AQP2: variants seen among roughly 807,000 people sequenced by gnomAD.
The protein encoded by AQP2 is aquaporin-2.
In AQP2, 20 loss-of-function variants were observed where a neutral mutation model predicts 21.6. That is an observed-to-expected ratio of 0.92 (90% CI 0.65 to 1.34). The LOEUF (loss-of-function observed/expected upper bound fraction) is 1.34, where lower values mean the gene tolerates loss of function less well. Among genes scored for constraint, AQP2 ranks in the 40% most tolerant of loss-of-function variants. AQP2 has a pLI of 0.00. For synonymous variants in AQP2, 168 were observed against 166.9 expected, an observed-to-expected ratio of 1.01 and a Z score of -0.05; for missense variants, 325 against 363.4, an observed-to-expected ratio of 0.89 and a Z score of 0.86.
Position 49,951,118 on chromosome 12 carries a change from G to C in AQP2, c.288G>C (p.Gly96=). ...AAFYVAAQLL[G]AVAGAALLHE... ...TCTACGTGGCTGCCCAGCTGCTGGGGGCTGTGGCCGGAGCCGCTCTGCTCC... is the reference window on the plus strand; with the variant it reads ...TCTACGTGGCTGCCCAGCTGCTGGGCGCTGTGGCCGGAGCCGCTCTGCTCC... Residue 96 remains glycine, a synonymous_variant, in exon 1 of 4, where the codon GGG becomes GGC. Coordinates refer to ENST00000199280, the MANE Select transcript of AQP2 (RefSeq NM_000486.6). 1 of 1,607,376 alleles carries C rather than the reference G, an allele frequency of 6.2e-7. No individual in the cohort carries two copies. The highest frequency in any genetic ancestry group is 1.1e-5 in the South Asian group (1 of 90,830).
intron 1 of AQP2, 166 bp from the exon 2 acceptor site, chr12:49,953,989 C>A: frequency 9.8e-7 from 1 of 1,016,532 alleles, no homozygotes; most frequent in Non-Finnish European, 1.5e-6. Context: ...GGCCAGGGCC[C>A]AGGAAGAAGG....
In AQP2 at chr12:49,955,307, A is replaced by G. The variant is rs410837; in HGVS notation, c.607-92A>G. ...TTACTAGATTAATGTCGGGGAGGAG[A>G]GGTGCGGCCGCAGAGTGTGCCGCCG... On this transcript the variant is annotated intron_variant, in intron 3 of 3. Coordinates refer to ENST00000199280, the MANE Select transcript of AQP2 (RefSeq NM_000486.6). The G allele has an allele frequency of 0.98, 1,205,319 of 1,233,768 alleles. 593,544 individuals are homozygous for G. Among genetic ancestry groups the G allele is most frequent in the Non-Finnish European group, 1 (885,343 of 885,824 alleles). 76.4% of individuals were successfully genotyped at this position (1,233,768 alleles called of 1,614,324 possible).
intron 1 of AQP2, 62 bp from the exon 2 acceptor site, chr12:49,954,093 A>G (rs1592816109): frequency 9.4e-6 from 15 of 1,592,410 alleles, no homozygotes; most frequent in Non-Finnish European, 8.5e-7. Context: ...GTGGACAGGA[A>G]GATGGAGCCA....
In AQP2 at chr12:49,955,689, G is replaced by A; in HGVS notation, c.*81G>A. The A allele has an allele frequency of 4.0e-6, 6 of 1,490,348 alleles. No homozygotes were observed. Among genetic ancestry groups the A allele is most frequent in the Non-Finnish European group, 4.5e-6 (5 of 1,107,950 alleles). The allele number at this position is 1,490,348 out of a possible 1,614,324, so 92.3% of individuals were successfully genotyped here. A position where few individuals can be genotyped will look rare whatever the true frequency, so the allele number is the denominator to read the frequency against. Reference sequence around the variant, plus strand: ...GGGCCCACCCCGTCCCTCCTCTCCCGCAGGTCTGAAGTTGGCCCCCCAGCG... The same window carrying A: ...GGGCCCACCCCGTCCCTCCTCTCCCACAGGTCTGAAGTTGGCCCCCCAGCG... On this transcript the variant is annotated 3_prime_UTR_variant, in exon 4 of 4. Coordinates refer to ENST00000199280, the MANE Select transcript of AQP2 (RefSeq NM_000486.6).
intron 3 of AQP2, 85 bp downstream of exon 3, chr12:49,954,795 G>T: frequency 6.8e-7 from 1 of 1,470,570 alleles, no homozygotes; most frequent in Non-Finnish European, 9.5e-7. Context: ...TGGGATGGGG[G>T]CTCAGCAGCG....
At chr12:49,954,077 C>A (rs1050520031) in intron 1 of AQP2, 78 bp from the exon 2 acceptor site, 86 of 1,580,508 alleles carry the variant, frequency 5.4e-5, no homozygotes, top group Middle Eastern at 4.5e-4. Context: ...GGTGCCTCGA[C>A]TGCAGGTGGA....
At chr12:49,951,438 C>A in intron 1 of AQP2, 1 of 571,680 alleles carries the variant, frequency 1.7e-6, no homozygotes, top group Non-Finnish European at 3.0e-6. Context: ...GCAGGAAGAG[C>A]CTCATCCAGG....
At chr12:49,955,292 A>T in intron 3 of AQP2, 107 bp from the exon 4 acceptor site, 2 of 1,108,162 alleles carry the variant, frequency 1.8e-6, no homozygotes, top group Non-Finnish European at 2.6e-6. Flanking sequence ...TTACTAGATT[A>T]ATGTCGGGGA....
At position 49,958,464 on chromosome 12, in the gene AQP2, G is replaced by A. The variant is rs957301964; in HGVS notation, c.*2856G>A. The A allele has an allele frequency of 2.6e-5, 4 of 152,260 alleles. No homozygotes were observed. The highest frequency in any genetic ancestry group is 6.5e-5 in the Admixed American group (1 of 15,288). The allele number at this position is 152,260 out of a possible 1,614,324, so 9.4% of individuals were successfully genotyped here. ...CCCAACCCACTGTCTTGCAGTGGAC[G>A]GAGAGCCTTGGCGAGGGCAGCAGGG... On this transcript the variant is annotated 3_prime_UTR_variant, in exon 4 of 4. Coordinates refer to ENST00000199280, the MANE Select transcript of AQP2 (RefSeq NM_000486.6).
chr12:49,954,360 GACAC>G, intron 2 of AQP2, 41 bp downstream of exon 2: 2 of 1,581,604 alleles, frequency 1.3e-6, no homozygotes, highest in South Asian at 1.1e-5. Context: ...TGGAGGAACA[GACAC>G]ACAGACCACT....
chr12:49,955,522 A>C lies in AQP2; in HGVS notation c.730A>C (p.Thr244Pro). The change falls in exon 4 of 4, where the codon ACC becomes CCC. Residue 244 changes from threonine to proline, a missense_variant. Physicochemically the swap from Thr to Pro is conservative, Grantham distance 38. Transcript: ENST00000199280. ...LAVLKGLEPDTDWEEREVRRR... is the reference protein window; with the variant it reads ...LAVLKGLEPDPDWEEREVRRR... ...AGTGCTGAAGGGCCTGGAGCCGGAC[A>C]CCGATTGGGAGGAGCGCGAGGTGCG... is the stretch of plus-strand genomic sequence containing the variant. 1 of 1,611,960 alleles carries C rather than the reference A, an allele frequency of 6.2e-7. No individual in the cohort carries two copies. The highest frequency in any genetic ancestry group is 8.5e-7 in the Non-Finnish European group (1 of 1,179,640).
At position 49,954,038 on chromosome 12, in the gene AQP2, TG is replaced by T. The variant is rs1011048035; in HGVS notation, c.361-116del. ...AGCTAAGGCGTCTGGCAAGCCCAGGTGTTCCGGCTCCCAGCCCAGAGGCCCC... is the reference window on the plus strand; with the variant it reads ...AGCTAAGGCGTCTGGCAAGCCCAGGTTTCCGGCTCCCAGCCCAGAGGCCCC... On this transcript the variant is annotated intron_variant, in intron 1 of 3. Coordinates refer to ENST00000199280, the MANE Select transcript of AQP2 (RefSeq NM_000486.6). The T allele has an allele frequency of 7.1e-6, 10 of 1,405,274 alleles. No homozygotes were observed. The Admixed American group carries it at 1.7e-4, about 24-fold the overall frequency. The allele number at this position is 1,405,274 out of a possible 1,614,324, so 87.1% of individuals were successfully genotyped here. A position where few individuals can be genotyped will look rare whatever the true frequency, so the allele number is the denominator to read the frequency against.
chr12:49,950,754 G>T lies in AQP2; in HGVS notation c.-77G>T. 1 of 1,552,026 alleles carries T rather than the reference G, an allele frequency of 6.4e-7. No individual in the cohort carries two copies. Among genetic ancestry groups the T allele is most frequent in the Non-Finnish European group, 8.7e-7 (1 of 1,148,094 alleles). On this transcript the variant is annotated 5_prime_UTR_variant, in exon 1 of 4. Transcript: ENST00000199280. ...CTCCCCAGAGGCCTTGAGAAAGAGA[G>T]CGATAGAGTGCGAGAGCGAGTGCCC...
intron 3 of AQP2, 38 bp downstream of exon 3, chr12:49,954,748 A>G (rs751470217): frequency 6.3e-7 from 1 of 1,594,722 alleles, no homozygotes; most frequent in South Asian, 1.1e-5. Flanking sequence ...CTTCTCTAGA[A>G]ACCCATTTTA....
In AQP2 at chr12:49,955,860, G is replaced by A. The variant is rs114099597; in HGVS notation, c.*252G>A. On this transcript the variant is annotated 3_prime_UTR_variant, in exon 4 of 4. Coordinates refer to ENST00000199280, the MANE Select transcript of AQP2 (RefSeq NM_000486.6). ...TGGTGGCTTCTCCAGCCTTTTTCAGGGAACTGGGAACTTAGGGGACTGAGC... is the reference window on the plus strand; with the variant it reads ...TGGTGGCTTCTCCAGCCTTTTTCAGAGAACTGGGAACTTAGGGGACTGAGC... The A allele has an allele frequency of 1.9e-3, 1,250 of 648,712 alleles. 12 individuals carry two copies. The African/African-American group carries it at 0.021, about 11-fold the overall frequency. 40.2% of individuals were successfully genotyped at this position (648,712 alleles called of 1,614,324 possible). A position where few individuals can be genotyped will look rare whatever the true frequency, so the allele number is the denominator to read the frequency against.
In AQP2 at chr12:49,955,817, G is replaced by C; in HGVS notation, c.*209G>C. ...CTGAGCCTGGCAGGTCCCCTGCCCT[G>C]AGGCTGTGAGCAGCTAGTGGTGGCT... is the stretch of plus-strand genomic sequence containing the variant. On this transcript the variant is annotated 3_prime_UTR_variant, in exon 4 of 4. Coordinates refer to ENST00000199280, the MANE Select transcript of AQP2 (RefSeq NM_000486.6). 1.4e-6 allele frequency: 1 copy of C among 737,456 alleles called. No homozygotes were observed. 45.7% of individuals were successfully genotyped at this position (737,456 alleles called of 1,614,324 possible).
Position 49,954,208 on chromosome 12 carries a change from A to G in AQP2, c.414A>G (p.Thr138=). ...GQAVTVELFL[T]LQLVLCIFAS... is the part of the protein sequence containing the mutation. Reference sequence around the variant, plus strand: ...CGGTGACTGTGGAGCTCTTCCTGACACTGCAGCTGGTGCTCTGCATCTTCG... The same window carrying G: ...CGGTGACTGTGGAGCTCTTCCTGACGCTGCAGCTGGTGCTCTGCATCTTCG... The change falls in exon 2 of 4, where the codon ACA becomes ACG. Residue 138 remains threonine (T), a synonymous_variant. Transcript: ENST00000199280. 1 of 1,603,178 alleles carries G rather than the reference A, an allele frequency of 6.2e-7. No homozygotes were observed. Among genetic ancestry groups the G allele is most frequent in the Non-Finnish European group, 8.5e-7 (1 of 1,179,948 alleles).
chr12:49,955,769 G>A lies in AQP2; in HGVS notation c.*161G>A, dbSNP rs1456122231. Reference sequence around the variant, plus strand: ...CCAGGCCAGTGCTGTGAGCAGGCGGGGAGGAGGCTGCCGGAGGGAGCCCTG... The same window carrying A: ...CCAGGCCAGTGCTGTGAGCAGGCGGAGAGGAGGCTGCCGGAGGGAGCCCTG... On this transcript the variant is annotated 3_prime_UTR_variant, in exon 4 of 4. Coordinates refer to ENST00000199280, the MANE Select transcript of AQP2 (RefSeq NM_000486.6). 15 of 1,005,980 alleles carry A rather than the reference G, an allele frequency of 1.5e-5. No homozygotes were observed. In the African/African-American group the frequency reaches 1.8e-4, roughly 12 times the overall value. 62.3% of individuals were successfully genotyped at this position (1,005,980 alleles called of 1,614,324 possible).
rs1467864547 is a variant in AQP2 at position 49,955,630 on chromosome 12, G to GCC, written c.*25_*26dup. On this transcript the variant is annotated 3_prime_UTR_variant, in exon 4 of 4. Transcript: ENST00000199280. ...CTGAGGGCCGCCAGCGGCCTCTACG[G>GCC]CCCCGACGGACGCTTGTGAGGCCCG... The GCC allele has an allele frequency of 2.0e-6, 3 of 1,538,092 alleles. No homozygotes were observed. The highest frequency in any genetic ancestry group is 2.6e-6 in the Non-Finnish European group (3 of 1,148,308).
Sources: gnomAD v4.1 joint callset for allele counts on GRCh38, gnomAD v4.1.1 for gene constraint, MANE v1.5 for transcripts, NCBI Gene and HGNC (gene_info 2026-07-23, HGNC 2026-07-21) for gene names.